Variants in PRKAR1B observed in about 807,000 individuals in gnomAD.
The protein encoded by PRKAR1B is cAMP-dependent protein kinase type I-beta regulatory subunit.
Under a neutral mutation model 46.5 loss-of-function variants are expected in PRKAR1B, and 22 were observed. The ratio of observed to expected loss-of-function variants is 0.47; its 90% CI spans 0.34 to 0.68. The LOEUF (loss-of-function observed/expected upper bound fraction) is 0.68, where lower values mean the gene tolerates loss of function less well. PRKAR1B is among the 30% of genes least tolerant of loss of function. The pLI, the probability that PRKAR1B is intolerant of heterozygous loss-of-function variation, is 0.01. For synonymous variants in PRKAR1B, 259 were observed against 217.7 expected (o/e 1.19, Z -1.67); for missense variants, 445 against 535.6 (o/e 0.83, Z 1.67).
rs568598805 is a variant in PRKAR1B at position 703,528 on chromosome 7, C to T, written c.177+7801G>A. Among the ~76,000 whole-genome samples the T allele has an allele frequency of 3.4e-3, 513 of 151,984 alleles. 4 individuals are homozygous for T. The highest frequency in any genetic ancestry group is 0.011 in the African/African-American group (444 of 41,468). On this transcript the variant is annotated intron_variant, in intron 2 of 10. Transcript: ENST00000537384. ...AAAATTAGCTGGGCGTGGTGGCAGACGCCTGTAGTCCCAGCTACTTGGGAG... is the reference window on the plus strand; with the variant it reads ...AAAATTAGCTGGGCGTGGTGGCAGATGCCTGTAGTCCCAGCTACTTGGGAG...
At chr7:627,919 C>A (rs1216083920) in intron 4 of PRKAR1B, among the ~76,000 whole-genome samples, 1 of 152,178 alleles carries the variant, frequency 6.6e-6, no homozygotes, top group Non-Finnish European at 1.5e-5. Context: ...GCACACACAG[C>A]CCCTGTCTCA....
In PRKAR1B at chr7:602,296, G is replaced by T. The variant is rs925291369; in HGVS notation, c.549+3897C>A. ...TACAGACGGCGGCGGGGGGAGGGGGGGTCTGTCCTGCTGGAAGGACGGAGG... is the reference window on the plus strand; with the variant it reads ...TACAGACGGCGGCGGGGGGAGGGGGTGTCTGTCCTGCTGGAAGGACGGAGG... On this transcript the variant is annotated intron_variant, in intron 6 of 10. Transcript: ENST00000537384. The surrounding 1 kb of genome is among the most constrained non-coding windows in gnomAD (Gnocchi z 6.4). 6.6e-6 allele frequency among the ~76,000 whole-genome samples: 1 copy of T among 152,134 alleles called. No homozygotes were observed. Among genetic ancestry groups the T allele is most frequent in the African/African-American group, 2.4e-5 (1 of 41,456 alleles).
intron 7 of PRKAR1B, among the ~76,000 whole-genome samples, chr7:591,453 C>T (rs971283871): frequency 6.6e-6 from 1 of 152,242 alleles, no homozygotes; most frequent in Non-Finnish European, 1.5e-5. Context: ...CGGTCCCACC[C>T]ACTTCCCATG....
At chr7:582,779 G>T (rs980674634) in intron 8 of PRKAR1B, among the ~76,000 whole-genome samples, 1 of 152,250 alleles carries the variant, frequency 6.6e-6, no homozygotes, top group African/African-American at 2.4e-5. Flanking sequence ...GTGGGCACCA[G>T]GGGCCGGACC....
intron 6 of PRKAR1B, among the ~76,000 whole-genome samples, chr7:599,785 G>GGGAGTGTGTAAT (rs1285186442): frequency 4.6e-4 from 69 of 148,868 alleles, no homozygotes; most frequent in East Asian, 1.0e-3. Context: ...CACATGGGCA[G>GGGAGTGTGTAAT]GCCCCCCATT....
At position 564,783 on chromosome 7, in the gene PRKAR1B, A is replaced by G. The variant is rs111643560; in HGVS notation, c.892-13313T>C. Among the ~76,000 whole-genome samples, 518 of 152,292 alleles carry G rather than the reference A, an allele frequency of 3.4e-3. 3 individuals carry two copies. The highest frequency in any genetic ancestry group is 0.012 in the African/African-American group (503 of 41,564). ...CCCAGGGCCCAGGGCACTGGCCCCC[A>G]AAAGCACTTCCAGAGTGAACTCCCG... On this transcript the variant is annotated intron_variant, in intron 9 of 10. Transcript: ENST00000537384.
At chr7:622,282 C>A (rs537103570) in intron 4 of PRKAR1B, among the ~76,000 whole-genome samples, 2 of 152,348 alleles carry the variant, frequency 1.3e-5, no homozygotes, top group East Asian at 3.9e-4. Flanking sequence ...GCTGGGCATG[C>A]ATTCAGAAGA....
At chr7:706,288 T>C (rs1342498658) in intron 2 of PRKAR1B, among the ~76,000 whole-genome samples, 2 of 152,112 alleles carry the variant, frequency 1.3e-5, no homozygotes, top group Non-Finnish European at 2.9e-5. Flanking sequence ...ATCATACCAC[T>C]GTACTCTAGC....
At chr7:587,822 G>A (rs1276158076) in intron 7 of PRKAR1B, among the ~76,000 whole-genome samples, 1 of 152,232 alleles carries the variant, frequency 6.6e-6, no homozygotes, top group African/African-American at 2.4e-5. Flanking sequence ...GGATTGCTGT[G>A]GAAGGAAAAC....
At chr7:624,153 C>A (rs1783255612) in intron 4 of PRKAR1B, among the ~76,000 whole-genome samples, 1 of 152,210 alleles carries the variant, frequency 6.6e-6, no homozygotes. Flanking sequence ...TGCATGCTGA[C>A]CAAGCATGGT....
At chr7:551,924 C>A (rs1356372352) in intron 9 of PRKAR1B, among the ~76,000 whole-genome samples, 28 of 113,000 alleles carry the variant, frequency 2.5e-4, no homozygotes, top group African/African-American at 7.2e-4. Context: ...ACCACCACGT[C>A]ACCACCCAAA....
intron 9 of PRKAR1B, 114 bp from the exon 10 acceptor site, chr7:551,584 T>A (rs1334044953): frequency 9.8e-7 from 1 of 1,022,076 alleles, no homozygotes; most frequent in East Asian, 2.6e-5. Context: ...CCCACCCAGG[T>A]CCTTCTCCCA....
intron 2 of PRKAR1B, among the ~76,000 whole-genome samples, chr7:709,108 TAAAAAAAAAAAAAA>T (rs67191707): frequency 2.8e-5 from 2 of 70,208 alleles, no homozygotes; most frequent in African/African-American, 1.2e-4. Context: ...TATTTAATAC[TAAAAAAAAAAAAAA>T]AAAAAAAAAA....
intron 4 of PRKAR1B, among the ~76,000 whole-genome samples, chr7:663,837 C>T (rs567923377): frequency 4.6e-5 from 7 of 152,124 alleles, no homozygotes; most frequent in Non-Finnish European, 7.3e-5. Context: ...ACTCAGGGAG[C>T]GTGAGTTACA....
At position 714,049 on chromosome 7, in the gene PRKAR1B, A is replaced by G. The variant is rs935031914; in HGVS notation, c.-22-2522T>C. On this transcript the variant is annotated intron_variant, in intron 1 of 10. Coordinates refer to ENST00000537384, the MANE Select transcript of PRKAR1B (RefSeq NM_001164760.2). This position sits in a 1 kb window ranked among gnomAD's most constrained non-coding sequence, Gnocchi z 4.3. ...CTGCCTGGAGCTGCTGCTGACCAGC[A>G]GTACCATCACGTGCTCCCCGCGGCC... Among the ~76,000 whole-genome samples the G allele has an allele frequency of 6.6e-6, 1 of 152,166 alleles. No homozygotes were observed. Among genetic ancestry groups the G allele is most frequent in the African/African-American group, 2.4e-5 (1 of 41,430 alleles).
intron 2 of PRKAR1B, among the ~76,000 whole-genome samples, chr7:688,665 G>A (rs1484129984): frequency 6.6e-6 from 1 of 151,972 alleles, no homozygotes; most frequent in Non-Finnish European, 1.5e-5. Context: ...CCCTCCCCAA[G>A]TCTCCACTGA....
At chr7:574,779 T>C (rs1377271046) in intron 9 of PRKAR1B, among the ~76,000 whole-genome samples, 1 of 152,146 alleles carries the variant, frequency 6.6e-6, no homozygotes, top group Non-Finnish European at 1.5e-5. Context: ...CTCCTGACTA[T>C]AAAATATCAA....
intron 2 of PRKAR1B, among the ~76,000 whole-genome samples, chr7:689,527 G>T (rs1051752144): frequency 2.6e-5 from 4 of 152,046 alleles, no homozygotes; most frequent in Non-Finnish European, 5.9e-5. Context: ...ACATCACAGA[G>T]TAACCCAGGA....
intron 4 of PRKAR1B, among the ~76,000 whole-genome samples, chr7:672,128 G>T (rs1023026840): frequency 6.6e-6 from 1 of 151,974 alleles, no homozygotes; most frequent in Non-Finnish European, 1.5e-5. Flanking sequence ...GGAAGTATTT[G>T]TCGTCTTAAA....
Sources: gnomAD v4.1 joint callset for allele counts (sites outside exome capture counted in the v4.1 genomes callset) on GRCh38, gnomAD v4.1.1 for gene constraint, Gnocchi (gnomAD v3.1) non-coding constraint, MANE v1.5 for transcripts, NCBI Gene and HGNC (gene_info 2026-07-23, HGNC 2026-07-21) for gene names.